The following DRC8 variants were observed in gnomAD, a reference collection of about 807,000 sequenced individuals.
DRC8 encodes dynein regulatory complex subunit 8.
chr1:245,034,165 C>T, the DRC8 span, among the ~76,000 whole-genome samples: 2 of 152,218 alleles, frequency 1.3e-5, no homozygotes, highest in African/African-American at 4.8e-5. Context: ...AAATCTCTTC[C>T]ATACCTAAAT....
At chr1:245,064,532 C>A in the DRC8 span, among the ~76,000 whole-genome samples, 1 of 152,164 alleles carries the variant, frequency 6.6e-6, no homozygotes, top group Non-Finnish European at 1.5e-5. Flanking sequence ...TTCTTTCTAT[C>A]CCAAGTTTTC....
chr1:245,048,670 TC>T, the DRC8 span, among the ~76,000 whole-genome samples: 418 of 152,284 alleles, frequency 2.7e-3, 1 homozygote, highest in African/African-American at 9.5e-3. Context: ...TCTCCCTCTC[TC>T]CCCCGTTTCT....
the DRC8 span, among the ~76,000 whole-genome samples, chr1:245,007,550 A>G: frequency 6.6e-6 from 1 of 152,208 alleles, no homozygotes; most frequent in East Asian, 1.9e-4. Context: ...CAATTGACTT[A>G]GAGACAGACA....
At chr1:245,028,994 T>C in the DRC8 span, among the ~76,000 whole-genome samples, 55,652 of 152,114 alleles carry the variant, frequency 0.37, 10,510 homozygotes, top group African/African-American at 0.47. Flanking sequence ...ATGGCTTTTC[T>C]GTAGCGTTCG....
chr1:245,073,917 G>C, the DRC8 span, among the ~76,000 whole-genome samples: 2 of 152,076 alleles, frequency 1.3e-5, no homozygotes, highest in Non-Finnish European at 2.9e-5. Context: ...AGAAAAAGAA[G>C]AAAAGAAAAC....
At chr1:245,039,416 A>G in the DRC8 span, among the ~76,000 whole-genome samples, 83,598 of 145,446 alleles carry the variant, frequency 0.57, 26,300 homozygotes, top group East Asian at 0.73. Context: ...TCGAGGCTGC[A>G]GTGAGCTATG....
chr1:244,978,171 A>G, the DRC8 span, among the ~76,000 whole-genome samples: 1 of 152,194 alleles, frequency 6.6e-6, no homozygotes, highest in Non-Finnish European at 1.5e-5. Flanking sequence ...GTAAAAAAGT[A>G]ATTTTAGTTT....
the DRC8 span, among the ~76,000 whole-genome samples, chr1:245,019,794 A>G: frequency 6.6e-6 from 1 of 152,094 alleles, no homozygotes; most frequent in African/African-American, 2.4e-5. Flanking sequence ...AATAAAAACT[A>G]AAAACTAAAA....
At chr1:245,008,858 T>C in the DRC8 span, among the ~76,000 whole-genome samples, 10 of 151,254 alleles carry the variant, frequency 6.6e-5, no homozygotes, top group Non-Finnish European at 1.5e-4. Flanking sequence ...AAATTTTGTG[T>C]GTGTGTGTAT....
chr1:245,105,740 T>C, the DRC8 span, among the ~76,000 whole-genome samples: 1 of 152,318 alleles, frequency 6.6e-6, no homozygotes, highest in East Asian at 1.9e-4. Flanking sequence ...TTGCTTCTTT[T>C]CTTTAATTTT....
At chr1:245,107,696 G>T in the DRC8 span, among the ~76,000 whole-genome samples, 1 of 152,136 alleles carries the variant, frequency 6.6e-6, no homozygotes, top group Non-Finnish European at 1.5e-5. Context: ...AGTCCTGCTC[G>T]GTTTCCAGGC....
chr1:245,088,325 C>CACACACACAA, the DRC8 span, among the ~76,000 whole-genome samples: 1 of 151,710 alleles, frequency 6.6e-6, no homozygotes, highest in South Asian at 2.1e-4. This position sits in a 1 kb window ranked among gnomAD's most constrained non-coding sequence, Gnocchi z 4.6. Context: ...GACACACACA[C>CACACACACAA]ACACACACAC....
At chr1:245,092,907 T>A in the DRC8 span, among the ~76,000 whole-genome samples, 1 of 152,186 alleles carries the variant, frequency 6.6e-6, no homozygotes, top group African/African-American at 2.4e-5. Context: ...AAAAAAATAT[T>A]GCTGAGCTTC....
At chr1:245,032,976 C>G in the DRC8 span, among the ~76,000 whole-genome samples, 2 of 149,804 alleles carry the variant, frequency 1.3e-5, no homozygotes, top group South Asian at 2.1e-4. Context: ...AGCAACATTT[C>G]AGGATTAAAA....
At chr1:244,975,402 C>T in the DRC8 span, among the ~76,000 whole-genome samples, 5 of 152,154 alleles carry the variant, frequency 3.3e-5, no homozygotes, top group African/African-American at 1.2e-4. Context: ...TTCCGTCTTC[C>T]CCAAGCTCTA....
the DRC8 span, among the ~76,000 whole-genome samples, chr1:245,097,524 A>C: frequency 6.6e-5 from 10 of 152,178 alleles, no homozygotes; most frequent in East Asian, 1.9e-3. This position sits in a 1 kb window ranked among gnomAD's most constrained non-coding sequence, Gnocchi z 5.0. Context: ...TCTCAAAAAA[A>C]AAAAAAGAAA....
chr1:245,076,475 C>A, the DRC8 span, among the ~76,000 whole-genome samples: 1 of 152,104 alleles, frequency 6.6e-6, no homozygotes, highest in Non-Finnish European at 1.5e-5. Context: ...CTTTTCATAC[C>A]TAGTACTGTA....
At chr1:245,105,637 A>AC in the DRC8 span, among the ~76,000 whole-genome samples, 5 of 150,976 alleles carry the variant, frequency 3.3e-5, no homozygotes, top group African/African-American at 1.2e-4. Flanking sequence ...AAAAAAAAAA[A>AC]ACAAAAAACA....
At chr1:244,995,353 C>T in the DRC8 span, among the ~76,000 whole-genome samples, 29 of 150,884 alleles carry the variant, frequency 1.9e-4, no homozygotes, top group South Asian at 6.3e-4. Context: ...AAGAGCAAGA[C>T]TCCATCTCAA....
Sources: gnomAD v4.1 joint callset for allele counts (sites outside exome capture counted in the v4.1 genomes callset) on GRCh38, gnomAD v4.1.1 for gene constraint, Gnocchi (gnomAD v3.1) non-coding constraint, MANE v1.5 for transcripts, NCBI Gene and HGNC (gene_info 2026-07-23, HGNC 2026-07-21) for gene names.